The following ZNF653 variants were observed in gnomAD, a reference collection of about 807,000 sequenced individuals.
ZNF653 encodes the protein 67 kDa zinc finger protein.
In ZNF653, 37 loss-of-function variants were observed where a neutral mutation model predicts 59.9. That is an observed-to-expected ratio of 0.62 (90% CI 0.48 to 0.81). The LOEUF is 0.81. Among genes scored for constraint, ZNF653 ranks in the 40% least tolerant of loss-of-function variants. ZNF653 has a pLI of 0.00. For synonymous variants in ZNF653, 435 were observed against 371.8 expected (o/e 1.17, Z -1.96); for missense variants, 808 against 881.1 (o/e 0.92, Z 1.05).
chr19:11,489,107 C>T (rs1049341906), intron 3 of ZNF653, among the ~76,000 whole-genome samples: 8 of 151,688 alleles, frequency 5.3e-5, no homozygotes, highest in African/African-American at 1.9e-4. Flanking sequence ...GCCATGTTGG[C>T]CAGGCTAGCC....
chr19:11,492,702 A>G (rs900541639), intron 3 of ZNF653, among the ~76,000 whole-genome samples: 1 of 152,144 alleles, frequency 6.6e-6, no homozygotes, highest in Admixed American at 6.6e-5. Context: ...TCTAGAATGT[A>G]AACTCCGTAA....
intron 1 of ZNF653, among the ~76,000 whole-genome samples, chr19:11,502,575 A>T (rs575683446): frequency 6.6e-6 from 1 of 152,314 alleles, no homozygotes; most frequent in African/African-American, 2.4e-5. Flanking sequence ...TGTGACTTGT[A>T]GTCCCAGCTA....
intron 8 of ZNF653, 54 bp downstream of exon 8, chr19:11,483,988 C>T: frequency 6.5e-7 from 1 of 1,538,456 alleles, no homozygotes; most frequent in Non-Finnish European, 8.8e-7. Context: ...CTGGGACCTG[C>T]TGGGATCCCC....
intron 1 of ZNF653, among the ~76,000 whole-genome samples, chr19:11,502,720 T>A (rs1971659812): frequency 6.6e-6 from 1 of 152,148 alleles, no homozygotes; most frequent in South Asian, 2.1e-4. Context: ...GGCCCGGGTA[T>A]GGTTTCATCT....
intron 3 of ZNF653, among the ~76,000 whole-genome samples, chr19:11,493,626 G>A (rs1971552004): frequency 6.6e-6 from 1 of 152,190 alleles, no homozygotes; most frequent in African/African-American, 2.4e-5. Flanking sequence ...CTAATGAGTG[G>A]AGGGAAGGGC....
At chr19:11,501,185 T>C (rs895287637) in intron 1 of ZNF653, among the ~76,000 whole-genome samples, 2 of 151,686 alleles carry the variant, frequency 1.3e-5, no homozygotes, top group African/African-American at 2.4e-5. Context: ...CTTTTTTTTT[T>C]TTTTTCTTTT....
intron 3 of ZNF653, among the ~76,000 whole-genome samples, chr19:11,491,719 C>G (rs1422444252): frequency 1.3e-5 from 2 of 152,220 alleles, no homozygotes; most frequent in Non-Finnish European, 2.9e-5. Context: ...TCCCAAGTAG[C>G]TGGGACTACA....
At chr19:11,492,757 T>C (rs1489361656) in intron 3 of ZNF653, among the ~76,000 whole-genome samples, 1 of 152,234 alleles carries the variant, frequency 6.6e-6, no homozygotes, top group African/African-American at 2.4e-5. Context: ...GAGAAGGCTG[T>C]GTGGTGCACA....
chr19:11,491,994 CTTTTTCCCTCCTTTAT>C (rs1971534760), intron 3 of ZNF653, among the ~76,000 whole-genome samples: 1 of 152,022 alleles, frequency 6.6e-6, no homozygotes, highest in South Asian at 2.1e-4. Flanking sequence ...CAAATAGTTC[CTTTTTCCCTCCTTTAT>C]TTTTTCCCAA....
Position 11,495,701 on chromosome 19 carries a change from G to T in ZNF653, c.559+249C>A, listed in dbSNP as rs1235132552. On this transcript the variant is annotated intron_variant, in intron 3 of 8. Coordinates refer to ENST00000293771, the MANE Select transcript of ZNF653 (RefSeq NM_138783.4). This position sits in a 1 kb window ranked among gnomAD's most constrained non-coding sequence, Gnocchi z 4.9. ...CCTCAGCCAGCCCTGCCTGGGACTG[G>T]CCTTGGGCACAGATTGGCAAACTGC... is the stretch of plus-strand genomic sequence containing the variant. 1.2e-5 allele frequency: 6 copies of T among 507,720 alleles called. No homozygotes were observed. The highest frequency in any genetic ancestry group is 9.8e-5 in the Admixed American group (3 of 30,496). The allele number at this position is 507,720 out of a possible 1,614,324, so 31.5% of individuals were successfully genotyped here. A position where few individuals can be genotyped will look rare whatever the true frequency, so the allele number is the denominator to read the frequency against.
chr19:11,495,811 G>A lies in ZNF653; in HGVS notation c.559+139C>T, dbSNP rs905181775. On this transcript the variant is annotated intron_variant, in intron 3 of 8. Coordinates refer to ENST00000293771, the MANE Select transcript of ZNF653 (RefSeq NM_138783.4). The surrounding 1 kb of genome is among the most constrained non-coding windows in gnomAD (Gnocchi z 4.9). ...CACGAAGGACTCAGCCTGGCCCATC[G>A]TGTCCCTGCTCTGCCCCAGTGCCAG... 4.0e-5 allele frequency: 35 copies of A among 865,124 alleles called. No homozygotes were observed. Among genetic ancestry groups the A allele is most frequent in the Admixed American group, 3.6e-4 (15 of 41,218 alleles). 53.6% of individuals were successfully genotyped at this position (865,124 alleles called of 1,614,324 possible).
rs1373500710 is a variant in ZNF653, at chr19:11,483,431, C to T, written c.*251G>A. 4 of 1,308,590 alleles carry T rather than the reference C, an allele frequency of 3.1e-6. No homozygotes were observed. In the African/African-American group the frequency reaches 6.2e-5, roughly 20 times the overall value. The allele number at this position is 1,308,590 out of a possible 1,614,324, so 81.1% of individuals were successfully genotyped here. ...TTCAGGCCTAGGGGAAGGGCATCTC[C>T]TTTCTCGCTCTTTAATCTCACTCTG... On this transcript the variant is annotated 3_prime_UTR_variant, in exon 9 of 9. Coordinates refer to ENST00000293771, the MANE Select transcript of ZNF653 (RefSeq NM_138783.4).
chr19:11,492,336 C>A (rs1466974542), intron 3 of ZNF653, among the ~76,000 whole-genome samples: 1 of 152,182 alleles, frequency 6.6e-6, no homozygotes. Context: ...AGCCACCACG[C>A]CCAGCCTGTA....
intron 1 of ZNF653, among the ~76,000 whole-genome samples, chr19:11,500,104 AGTGT>A (rs1402105975): frequency 6.6e-6 from 1 of 152,032 alleles, no homozygotes; most frequent in African/African-American, 2.4e-5. Context: ...CAGCCAGTCT[AGTGT>A]CTCTTATCAG....
At chr19:11,485,265 C>T (rs1014308491) in intron 7 of ZNF653, among the ~76,000 whole-genome samples, 6 of 151,892 alleles carry the variant, frequency 4.0e-5, no homozygotes, top group African/African-American at 1.5e-4. Context: ...CCTCTTTGCC[C>T]AGCTCTCCTT....
intron 3 of ZNF653, among the ~76,000 whole-genome samples, chr19:11,488,747 G>A (rs1287581079): frequency 2.7e-5 from 4 of 147,868 alleles, no homozygotes; most frequent in Non-Finnish European, 4.5e-5. Flanking sequence ...ACAGGCAACC[G>A]CCACCACGCC....
chr19:11,500,855 T>G (rs1971636682), intron 1 of ZNF653: 1 of 152,258 alleles, frequency 6.6e-6, no homozygotes. Context: ...TGACACAGGG[T>G]CACCATGGGG....
chr19:11,490,717 C>T (rs986033639), intron 3 of ZNF653, among the ~76,000 whole-genome samples: 1 of 152,082 alleles, frequency 6.6e-6, no homozygotes, highest in Admixed American at 6.6e-5. Flanking sequence ...ATTACTACAA[C>T]CATCCATGGC....
chr19:11,505,547 G>C lies in ZNF653; in HGVS notation c.240C>G (p.Asp80Glu). Residue 80 changes from aspartate to glutamate, a missense_variant, in exon 1 of 9, where the codon GAC (aspartate) becomes GAG (glutamate). Transcript: ENST00000293771. ...VDLRRRSGWS[D>E]AKLAAYLISL... Reference sequence around the variant, plus strand: ...AGATGAGGTAGGCGGCGAGCTTGGCGTCGCTCCAGCCGCTGCGGCGCCGCA... The same window carrying C: ...AGATGAGGTAGGCGGCGAGCTTGGCCTCGCTCCAGCCGCTGCGGCGCCGCA... 1 of 1,514,038 alleles carries C rather than the reference G, an allele frequency of 6.6e-7. No individual in the cohort carries two copies. The highest frequency in any genetic ancestry group is 1.2e-5 in the South Asian group (1 of 81,098). The allele number at this position is 1,514,038 out of a possible 1,614,324, so 93.8% of individuals were successfully genotyped here. A position where few individuals can be genotyped will look rare whatever the true frequency, so the allele number is the denominator to read the frequency against.
Sources: gnomAD v4.1 joint callset for allele counts (sites outside exome capture counted in the v4.1 genomes callset) on GRCh38, gnomAD v4.1.1 for gene constraint, Gnocchi (gnomAD v3.1) non-coding constraint, MANE v1.5 for transcripts, NCBI Gene and HGNC (gene_info 2026-07-23, HGNC 2026-07-21) for gene names.